The following RARB variants were observed in gnomAD, a reference collection of about 807,000 sequenced individuals.
The protein encoded by RARB is retinoic acid receptor beta.
RARB carries 17 observed loss-of-function variants against 51.9 expected under a neutral mutation model. That is an observed-to-expected ratio of 0.33 (90% CI 0.22 to 0.49). RARB has a LOEUF of 0.49. RARB is among the 20% of genes least tolerant of loss of function. RARB has a pLI of 0.99. For missense variants in RARB, 369 were observed against 550.8 expected, an observed-to-expected ratio of 0.67 and a Z score of 3.30; for synonymous variants, 215 against 195.4, an observed-to-expected ratio of 1.10 and a Z score of -0.84.
At chr3:24,956,022 G>A (rs572964273) in intron 2 of RARB, among the ~76,000 whole-genome samples, 2 of 152,230 alleles carry the variant, frequency 1.3e-5, no homozygotes, top group Admixed American at 6.5e-5. Context: ...GGCTGTCTTC[G>A]TCAGATTAGG....
At chr3:24,942,660 T>C (rs2125400886) in intron 2 of RARB, among the ~76,000 whole-genome samples, 1 of 152,312 alleles carries the variant, frequency 6.6e-6, no homozygotes, top group South Asian at 2.1e-4. Context: ...TCATTTCAAT[T>C]CTGAGTATCA....
chr3:25,083,770 G>C (rs142697301), intron 3 of RARB, among the ~76,000 whole-genome samples: 2 of 152,220 alleles, frequency 1.3e-5, no homozygotes, highest in East Asian at 3.9e-4. Flanking sequence ...AGATGACTGC[G>C]TTTTGTTCTG....
intron 5 of RARB, among the ~76,000 whole-genome samples, chr3:25,283,544 A>T (rs1453057989): frequency 6.6e-6 from 1 of 152,202 alleles, no homozygotes; most frequent in Non-Finnish European, 1.5e-5. Context: ...CTGACACCTT[A>T]GAGGTGGCTC....
At chr3:25,275,308 A>T (rs1488630746) in intron 5 of RARB, among the ~76,000 whole-genome samples, 2 of 152,150 alleles carry the variant, frequency 1.3e-5, no homozygotes, top group Non-Finnish European at 2.9e-5. Context: ...AAAAGATACA[A>T]AAATTAGCTA....
intron 4 of RARB, among the ~76,000 whole-genome samples, chr3:25,165,616 C>CTTACCA (rs1205176427): frequency 1.3e-5 from 2 of 152,102 alleles, no homozygotes; most frequent in Non-Finnish European, 2.9e-5. Flanking sequence ...CAAGGAGTTG[C>CTTACCA]CTACCACCGC....
At chr3:25,153,064 T>G (rs1460554775) in intron 4 of RARB, among the ~76,000 whole-genome samples, 4 of 152,204 alleles carry the variant, frequency 2.6e-5, no homozygotes. Context: ...CACTCTTCAT[T>G]ACTACTTTCA....
At chr3:25,315,004 G>T (rs1399682512) in intron 5 of RARB, among the ~76,000 whole-genome samples, 3 of 152,198 alleles carry the variant, frequency 2.0e-5, no homozygotes, top group Admixed American at 6.5e-5. Flanking sequence ...ATGGCCTCCA[G>T]CTACATCCAT....
intron 3 of RARB, among the ~76,000 whole-genome samples, chr3:25,107,027 A>C (rs1699519929): frequency 6.6e-6 from 1 of 151,966 alleles, no homozygotes. Flanking sequence ...CAGCCTCCCG[A>C]ATAGCTGGGA....
In RARB at chr3:25,432,253, G is replaced by A. The variant is rs182171143; in HGVS notation, c.157+3365G>A. On this transcript the variant is annotated intron_variant, in intron 1 of 7. Coordinates refer to ENST00000330688, the MANE Select transcript of RARB (RefSeq NM_000965.5). ...GAATATTGGATAAATTGGTACATTT[G>A]ACAAGGGAGTGAGTATTGATGTGCA... 2.7e-3 allele frequency among the ~76,000 whole-genome samples: 407 copies of A among 152,282 alleles called. 5 individuals carry two copies. The highest frequency in any genetic ancestry group is 8.7e-3 in the African/African-American group (362 of 41,570).
At chr3:25,473,921 G>GAAAAAAAAACA (rs1695828632) in intron 2 of RARB, among the ~76,000 whole-genome samples, 1 of 108,322 alleles carries the variant, frequency 9.2e-6, no homozygotes, top group African/African-American at 3.8e-5. Context: ...TGTCTGGCAG[G>GAAAAAAAAACA]AAAAAAAAAA....
chr3:25,170,557 T>A (rs1226727956), intron 4 of RARB, among the ~76,000 whole-genome samples: 1 of 152,190 alleles, frequency 6.6e-6, no homozygotes, highest in Non-Finnish European at 1.5e-5. Context: ...ATTTGACTTT[T>A]AAAAATCGTG....
chr3:25,403,555 A>C (rs1707322464), intron 5 of RARB, among the ~76,000 whole-genome samples: 2 of 152,214 alleles, frequency 1.3e-5, no homozygotes, highest in South Asian at 4.1e-4. Flanking sequence ...TTTAAACCAG[A>C]GTAAGCCTAG....
chr3:24,956,681 T>C (rs183920123), intron 2 of RARB, among the ~76,000 whole-genome samples: 3 of 152,352 alleles, frequency 2.0e-5, no homozygotes, highest in South Asian at 4.1e-4. Context: ...AAATTACCTA[T>C]AATTTTGTCT....
intron 1 of RARB, among the ~76,000 whole-genome samples, chr3:25,432,187 C>T (rs563425704): frequency 1.3e-5 from 2 of 152,038 alleles, no homozygotes; most frequent in African/African-American, 4.8e-5. Flanking sequence ...GAAAGATTCA[C>T]AAAGTTTTCC....
At chr3:24,993,111 A>G (rs1696948953) in intron 2 of RARB, among the ~76,000 whole-genome samples, 1 of 152,220 alleles carries the variant, frequency 6.6e-6, no homozygotes, top group Admixed American at 6.5e-5. Flanking sequence ...TTAAATATTC[A>G]TACAAACACA....
intron 2 of RARB, among the ~76,000 whole-genome samples, chr3:24,869,219 ATG>A (rs1423894951): frequency 1.3e-5 from 2 of 152,166 alleles, no homozygotes; most frequent in Non-Finnish European, 1.5e-5. Flanking sequence ...TAAAGTCTTC[ATG>A]TGTGAGATTT....
At chr3:25,347,167 A>T (rs1398850828) in intron 5 of RARB, among the ~76,000 whole-genome samples, 1 of 152,212 alleles carries the variant, frequency 6.6e-6, no homozygotes, top group East Asian at 1.9e-4. Context: ...GACTCTAAGA[A>T]ATTGAACAAT....
At chr3:25,435,230 A>C (rs1407524347) in intron 1 of RARB, among the ~76,000 whole-genome samples, 1 of 152,232 alleles carries the variant, frequency 6.6e-6, no homozygotes, top group South Asian at 2.1e-4. Flanking sequence ...ACTATTCATC[A>C]CAGAATAAAA....
intron 2 of RARB, among the ~76,000 whole-genome samples, chr3:24,929,845 C>A (rs1236205616): frequency 6.6e-6 from 1 of 152,038 alleles, no homozygotes; most frequent in Non-Finnish European, 1.5e-5. Flanking sequence ...AAAAAAAATT[C>A]TTAACCATGA....
Sources: allele counts gnomAD v4.1 joint callset (sites outside exome capture counted in the v4.1 genomes callset), GRCh38; gene constraint gnomAD v4.1.1; transcripts MANE v1.5; gene names NCBI Gene and HGNC (gene_info 2026-07-23, HGNC 2026-07-21).